Variants in SLC44A5 observed in about 807,000 individuals in gnomAD.
The protein encoded by SLC44A5 is choline transporter-like protein 5.
In SLC44A5, 57 loss-of-function variants were observed where a neutral mutation model predicts 101.8. That is an observed-to-expected ratio of 0.56 (90% CI 0.45 to 0.70). The LOEUF (loss-of-function observed/expected upper bound fraction) is 0.70, where lower values mean the gene tolerates loss of function less well. Ranked by LOEUF, SLC44A5 falls within the 30% of genes least tolerant of loss-of-function variation. The pLI, the probability that SLC44A5 is intolerant of heterozygous loss-of-function variation, is 0.00. For missense variants in SLC44A5, 737 were observed against 853.1 expected, an observed-to-expected ratio of 0.86 and a Z score of 1.70; for synonymous variants, 281 against 290.9, an observed-to-expected ratio of 0.97 and a Z score of 0.35.
intron 13 of SLC44A5, among the ~76,000 whole-genome samples, chr1:75,222,860 A>G (rs1339458061): frequency 2.6e-5 from 4 of 152,168 alleles, no homozygotes; most frequent in Non-Finnish European, 4.4e-5. Context: ...CTTTCCTCAT[A>G]ATGCCACTTA....
At chr1:75,557,381 G>A (rs1322741382) in intron 1 of SLC44A5, among the ~76,000 whole-genome samples, 1 of 152,104 alleles carries the variant, frequency 6.6e-6, no homozygotes, top group Non-Finnish European at 1.5e-5. Flanking sequence ...CATTGAAAAT[G>A]TGGGAGAGAA....
chr1:75,398,979 A>G (rs1662305108), intron 2 of SLC44A5, among the ~76,000 whole-genome samples: 1 of 151,960 alleles, frequency 6.6e-6, no homozygotes, highest in Non-Finnish European at 1.5e-5. Flanking sequence ...GTTTCAGACT[A>G]GGAGCCAAAA....
intron 1 of SLC44A5, chr1:75,582,254 C>T (rs1673739376): frequency 1.3e-6 from 2 of 1,502,032 alleles, no homozygotes; most frequent in Non-Finnish European, 1.8e-6. Context: ...CAAGAAGGGC[C>T]TAAAGAAGAT....
intron 6 of SLC44A5, among the ~76,000 whole-genome samples, chr1:75,252,438 C>T (rs1463821013): frequency 6.6e-6 from 1 of 152,214 alleles, no homozygotes. Flanking sequence ...CTGCTTCCTA[C>T]ACCTGTCTAC....
chr1:75,329,079 C>T (rs1477593997), intron 4 of SLC44A5, among the ~76,000 whole-genome samples: 1 of 152,218 alleles, frequency 6.6e-6, no homozygotes, highest in Non-Finnish European at 1.5e-5. Context: ...CCCTGTATCA[C>T]ACAGTTTATC....
At chr1:75,403,634 C>T (rs1169167442) in intron 2 of SLC44A5, among the ~76,000 whole-genome samples, 1 of 152,166 alleles carries the variant, frequency 6.6e-6, no homozygotes, top group Non-Finnish European at 1.5e-5. Context: ...AACTAACAAA[C>T]AGAAAAGAAT....
intron 4 of SLC44A5, among the ~76,000 whole-genome samples, chr1:75,308,433 T>A (rs1447212717): frequency 1.3e-5 from 2 of 152,162 alleles, no homozygotes; most frequent in Non-Finnish European, 2.9e-5. Context: ...GATGCCTGTA[T>A]AAAAGTGTCT....
At chr1:75,557,795 A>G (rs774846458) in intron 1 of SLC44A5, among the ~76,000 whole-genome samples, 1 of 152,124 alleles carries the variant, frequency 6.6e-6, no homozygotes, top group Non-Finnish European at 1.5e-5. Context: ...GATCCAATAG[A>G]TAGAAAAAGC....
rs1663342426 is a variant in SLC44A5, at chr1:75,412,457, A to G, written c.14-15836T>C. Among the ~76,000 whole-genome samples, 3 of 152,182 alleles carry G rather than the reference A, an allele frequency of 2.0e-5. No individual in the cohort carries two copies. In the South Asian group the frequency reaches 6.2e-4, roughly 31 times the overall value. On this transcript the variant is annotated intron_variant, in intron 2 of 23. Transcript: ENST00000370859. ...CGAACCTCAGAATCCTTCTCAATAC[A>G]GCAGACCAGGAAGTTACACTTTATT...
At chr1:75,254,982 C>T (rs1170790883) in intron 6 of SLC44A5, among the ~76,000 whole-genome samples, 3 of 152,242 alleles carry the variant, frequency 2.0e-5, no homozygotes, top group African/African-American at 7.2e-5. Flanking sequence ...CCATGCTGGG[C>T]CACGTGGAGC....
At chr1:75,212,251 T>G (rs1205296025) in intron 22 of SLC44A5, among the ~76,000 whole-genome samples, 1 of 152,140 alleles carries the variant, frequency 6.6e-6, no homozygotes, top group African/African-American at 2.4e-5. Flanking sequence ...AAGTAAATTA[T>G]GTGTCATAGG....
At chr1:75,609,109 TA>T (rs1413433641) in intron 1 of SLC44A5, among the ~76,000 whole-genome samples, 2 of 151,652 alleles carry the variant, frequency 1.3e-5, no homozygotes, top group African/African-American at 4.8e-5. Flanking sequence ...CATGAACGAA[TA>T]AAATAGATTA....
At chr1:75,477,367 C>T (rs1023174511) in intron 2 of SLC44A5, among the ~76,000 whole-genome samples, 83 of 152,336 alleles carry the variant, frequency 5.4e-4, no homozygotes, top group Middle Eastern at 3.4e-3. Context: ...TCCAAAGGAA[C>T]GCAGTTCCTC....
At chr1:75,204,215 A>G (rs1360745073) in intron 23 of SLC44A5, among the ~76,000 whole-genome samples, 1 of 152,176 alleles carries the variant, frequency 6.6e-6, no homozygotes, top group African/African-American at 2.4e-5. Flanking sequence ...TATAGCCTTG[A>G]AAAATAAAAA....
the SLC44A5 span, among the ~76,000 whole-genome samples, chr1:75,709,704 T>C: frequency 1.3e-5 from 2 of 152,206 alleles, no homozygotes; most frequent in Admixed American, 1.3e-4. Context: ...TGTTTAAACA[T>C]TGTATCTTTT....
the SLC44A5 span, among the ~76,000 whole-genome samples, chr1:75,720,815 T>G: frequency 7.4e-6 from 1 of 134,360 alleles, no homozygotes; most frequent in African/African-American, 2.8e-5. Flanking sequence ...AGAAATACAT[T>G]GGTTCAGTTC....
chr1:75,217,862 T>G lies in SLC44A5; in HGVS notation c.1624+4A>C. ...CACAAAAGTCAGGACATCTGAAATC[T>G]TACGTTTAAGACGGTGGTCCAAGTA... On this transcript the variant is annotated splice_donor_region_variant and intron_variant, in intron 18 of 23. Coordinates refer to ENST00000370859, the MANE Select transcript of SLC44A5 (RefSeq NM_001130058.2). 6.4e-7 allele frequency: 1 copy of G among 1,558,920 alleles called. No individual in the cohort carries two copies.
At chr1:75,662,225 T>C in the SLC44A5 span, among the ~76,000 whole-genome samples, 1 of 152,072 alleles carries the variant, frequency 6.6e-6, no homozygotes, top group Admixed American at 6.6e-5. Flanking sequence ...TGGGGGACAT[T>C]ATGTTAAGTG....
At chr1:75,489,631 C>A (rs1160468418) in intron 2 of SLC44A5, among the ~76,000 whole-genome samples, 1 of 152,154 alleles carries the variant, frequency 6.6e-6, no homozygotes, top group Non-Finnish European at 1.5e-5. Flanking sequence ...CAGTGAGTCT[C>A]CATCATATCT....
Sources: gnomAD v4.1 joint callset for allele counts (sites outside exome capture counted in the v4.1 genomes callset) on GRCh38, gnomAD v4.1.1 for gene constraint, MANE v1.5 for transcripts, NCBI Gene and HGNC (gene_info 2026-07-23, HGNC 2026-07-21) for gene names.